The following RSPH6A variants were observed in gnomAD, a reference collection of about 807,000 sequenced individuals.
The protein encoded by RSPH6A is radial spoke head protein 6 homolog A.
Under a neutral mutation model 66.1 loss-of-function variants are expected in RSPH6A, and 49 were observed. The ratio of observed to expected loss-of-function variants is 0.74; its 90% confidence interval spans 0.59 to 0.94. The LOEUF (loss-of-function observed/expected upper bound fraction) is 0.94. Ranked by LOEUF, RSPH6A falls within the 40% of genes least tolerant of loss-of-function variation. The pLI is 0.00. For synonymous variants in RSPH6A, 419 were observed against 402.4 expected, an observed-to-expected ratio of 1.04 and a Z score of -0.49; for missense variants, 977 against 948.3, an observed-to-expected ratio of 1.03 and a Z score of -0.40.
At chr19:45,811,143 G>T (rs1191957992) in intron 1 of RSPH6A, among the ~76,000 whole-genome samples, 2 of 151,166 alleles carry the variant, frequency 1.3e-5, no homozygotes, top group Non-Finnish European at 3.0e-5. Flanking sequence ...ATAGGCGCCC[G>T]CCACCACGCC....
chr19:45,804,165 G>C lies in RSPH6A; in HGVS notation c.1653+87C>G, dbSNP rs1352168156. On this transcript the variant is annotated intron_variant, in intron 3 of 5. Coordinates refer to ENST00000221538, the MANE Select transcript of RSPH6A (RefSeq NM_030785.4). This position sits in a 1 kb window ranked among gnomAD's most constrained non-coding sequence, Gnocchi z 5.8. Reference sequence around the variant, plus strand: ...GAATGAATATTAGTTGCCCAGCAGAGAGTAAGAGCTTGATGTCAGTATTGC... The same window carrying C: ...GAATGAATATTAGTTGCCCAGCAGACAGTAAGAGCTTGATGTCAGTATTGC... 2.9e-6 allele frequency: 3 copies of C among 1,035,620 alleles called. No homozygotes were observed. Among genetic ancestry groups the C allele is most frequent in the African/African-American group, 1.6e-5 (1 of 62,800 alleles). 64.2% of individuals were successfully genotyped at this position (1,035,620 alleles called of 1,614,324 possible). A position where few individuals can be genotyped will look rare whatever the true frequency, so the allele number is the denominator to read the frequency against.
In RSPH6A at chr19:45,804,963, G is replaced by A. The variant is rs1003090516; in HGVS notation, c.942C>T (p.Ala314=). 3.0e-5 allele frequency: 48 copies of A among 1,613,920 alleles called. No homozygotes were observed. Among genetic ancestry groups the A allele is most frequent in the Non-Finnish European group, 3.4e-5 (40 of 1,180,020 alleles). Residue 314 remains alanine (A), a synonymous_variant, in exon 3 of 6, where the codon GCC becomes GCT. Coordinates refer to ENST00000221538, the MANE Select transcript of RSPH6A (RefSeq NM_030785.4). The surrounding 1 kb of genome is among the most constrained non-coding windows in gnomAD (Gnocchi z 5.8). ...IMETAFYFEQ[A]GVGLSSDESF... ...TCTCGTCCGAGCTCAGGCCGACGCC[G>A]GCCTGCTCGAAGTAGAAGGCAGTCT...
Position 45,795,887 on chromosome 19 carries a change from G to A in RSPH6A, c.2136C>T (p.Gly712=), listed in dbSNP as rs143961616. 74 of 1,604,592 alleles carry A rather than the reference G, an allele frequency of 4.6e-5. No individual in the cohort carries two copies. The highest frequency in any genetic ancestry group is 1.7e-4 in the Middle Eastern group (1 of 5,824). ...EEEEGEEEEE[G]EETDD is the part of the protein sequence containing the mutation. ...GTGGGCCTCAGTCATCTGTCTCCTC[G>A]CCCTCCTCCTCCTCCTCGCCCTCCT... Residue 712 remains glycine (G), a synonymous_variant, in exon 6 of 6, where the codon GGC becomes GGT. Transcript: ENST00000221538.
intron 5 of RSPH6A, among the ~76,000 whole-genome samples, chr19:45,800,243 A>G (rs980071549): frequency 1.3e-5 from 2 of 152,140 alleles, no homozygotes; most frequent in Non-Finnish European, 2.9e-5. Flanking sequence ...ATCATGACTC[A>G]TCACCAAGAC....
At chr19:45,802,310 C>A (rs1246681549) in intron 3 of RSPH6A, 46 bp from the exon 4 acceptor site, 1 of 1,307,838 alleles carries the variant, frequency 7.6e-7, no homozygotes, top group African/African-American at 1.5e-5. Context: ...TGCACGGAAC[C>A]CAGCCTGCCT....
rs372183342 is a variant in RSPH6A at position 45,804,877 on chromosome 19, C to T, written c.1028G>A (p.Arg343His). 6.8e-6 allele frequency: 11 copies of T among 1,614,192 alleles called. No homozygotes were observed. The highest frequency in any genetic ancestry group is 1.1e-5 in the South Asian group (1 of 91,078). Residue 343 changes from arginine (R) to histidine (H), a missense_variant, in exon 3 of 6, where the codon CGC becomes CAC. By Grantham distance (29) the Arg-to-His change is conservative. Coordinates refer to ENST00000221538, the MANE Select transcript of RSPH6A (RefSeq NM_030785.4). This position sits in a 1 kb window ranked among gnomAD's most constrained non-coding sequence, Gnocchi z 5.8. ...LVEQQPIHTC[R>H]FWGKILGIKR... ...GATTCCCAGGATCTTGCCCCAGAAG[C>T]GACAGGTGTGGATGGGCTGCTGCTC...
chr19:45,800,494 A>C lies in RSPH6A; in HGVS notation c.1868T>G (p.Val623Gly), dbSNP rs189983010. ...CSLCPQYSVA[V>G]VRSNLWPGAY... ...CCCGGGCCAGAGGTTGGAGCGCACA[A>C]CGGCCACTGAGTACTGCGGGCAGAG... Residue 623 changes from valine to glycine, a missense_variant, in exon 5 of 6, where the codon GTT (valine) becomes GGT (glycine). Transcript: ENST00000221538. 6.2e-7 allele frequency: 1 copy of C among 1,613,504 alleles called. No individual in the cohort carries two copies.
Position 45,804,668 on chromosome 19 carries a change from CG to C in RSPH6A, c.1236del (p.Val413Ter). The C allele has an allele frequency of 6.2e-7, 1 of 1,614,110 alleles. No homozygotes were observed. Among genetic ancestry groups the C allele is most frequent in the Non-Finnish European group, 8.5e-7 (1 of 1,180,032 alleles). On this transcript the variant is annotated frameshift_variant, in exon 3 of 6. Transcript: ENST00000221538. LOFTEE classifies it high-confidence loss of function. This position sits in a 1 kb window ranked among gnomAD's most constrained non-coding sequence, Gnocchi z 5.8. ...IVPKSVWKPPPVIPKEESRSG... is the reference protein window; with the variant it reads ...IVPKSVWKPPXVIPKEESRSG... ...GAGCGGCTCTCCTCCTTGGGGATCA[CG>C]GGCGGCGGCTTCCATACGGACTTAG...
chr19:45,805,846 T>G lies in RSPH6A; in HGVS notation c.889-830A>C, dbSNP rs374479761. On this transcript the variant is annotated intron_variant, in intron 2 of 5. Coordinates refer to ENST00000221538, the MANE Select transcript of RSPH6A (RefSeq NM_030785.4). ...GGGAAAACCACACTAGGAGAAAATT[T>G]TTCTTGCCTTTTGTCATTCCCTATT... 5.0e-3 allele frequency among the ~76,000 whole-genome samples: 766 copies of G among 152,274 alleles called. 5 individuals are homozygous for G. The highest frequency in any genetic ancestry group is 0.017 in the African/African-American group (723 of 41,558).
In RSPH6A at chr19:45,814,687, C is replaced by T. The variant is rs540390229; in HGVS notation, c.490G>A (p.Gly164Arg). Residue 164 changes from glycine (G) to arginine (R), a missense_variant, in exon 1 of 6, where the codon GGG (glycine) becomes AGG (arginine). Transcript: ENST00000221538. ...TDQFSEGAQHGPYIRDDPALQ... is the reference protein window; with the variant it reads ...TDQFSEGAQHRPYIRDDPALQ... ...GCAGGGTCATCCCTTATGTAAGGCC[C>T]GTGCTGGGCACCTTCAGAGAACTGG... The T allele has an allele frequency of 6.2e-6, 10 of 1,612,196 alleles. No homozygotes were observed. The East Asian group carries it at 1.1e-4, about 18-fold the overall frequency.
Position 45,812,705 on chromosome 19 carries a change from G to C in RSPH6A, c.650+1822C>G, listed in dbSNP as rs541289180. On this transcript the variant is annotated intron_variant, in intron 1 of 5. Coordinates refer to ENST00000221538, the MANE Select transcript of RSPH6A (RefSeq NM_030785.4). ...AACCACGTAAGGCCTTTTGTTTGTT[G>C]GTTTGTTTGAGACAGAGTCTCGCTC... 5.3e-5 allele frequency among the ~76,000 whole-genome samples: 8 copies of C among 151,990 alleles called. No individual in the cohort carries two copies. The East Asian group carries it at 1.6e-3, about 29-fold the overall frequency.
chr19:45,796,138 C>T lies in RSPH6A; in HGVS notation c.1917-32G>A, dbSNP rs113015725. 222 of 1,473,814 alleles carry T rather than the reference C, an allele frequency of 1.5e-4. No homozygotes were observed. The African/African-American group carries it at 2.5e-3, about 16-fold the overall frequency. 91.3% of individuals were successfully genotyped at this position (1,473,814 alleles called of 1,614,324 possible). ...AAGCAGTGAGACACTGTGAAATTCT[C>T]CCTCAAAGGCCCCAGACTTGACTTT... is the stretch of plus-strand genomic sequence containing the variant. On this transcript the variant is annotated intron_variant, in intron 5 of 5. Transcript: ENST00000221538.
In RSPH6A at chr19:45,815,133, G is replaced by A. The variant is rs745718111; in HGVS notation, c.44C>T (p.Pro15Leu). 6.2e-7 allele frequency: 1 copy of A among 1,611,242 alleles called. No homozygotes were observed. The highest frequency in any genetic ancestry group is 8.5e-7 in the Non-Finnish European group (1 of 1,179,850). ...GGCCTGAGAAGTCCTCCGGCCCGGA[G>A]GCTGCTGGGCAGGGCGCTCAGGGTA... The part of the protein sequence containing the change: ...PPYPERPAQQ[P>L]PGRRTSQASQ... Residue 15 changes from proline to leucine, a missense_variant, in exon 1 of 6, where the codon CCT (proline) becomes CTT (leucine). Transcript: ENST00000221538.
rs1451289935 is a variant in RSPH6A at position 45,804,467 on chromosome 19, A to T, written c.1438T>A (p.Tyr480Asn). ...YPPFPGNEAN[Y>N]LRAQIARISA... is the part of the protein sequence containing the mutation. ...ATGCGGGCTATCTGGGCCCGCAGGTAGTTGGCCTCGTTGCCCGGGAAGGGT... is the reference window on the plus strand; with the variant it reads ...ATGCGGGCTATCTGGGCCCGCAGGTTGTTGGCCTCGTTGCCCGGGAAGGGT... Residue 480 changes from tyrosine to asparagine, a missense_variant, in exon 3 of 6, where the codon TAC becomes AAC. Physicochemically the swap from Tyr to Asn is moderately radical, Grantham distance 143. Transcript: ENST00000221538. The surrounding 1 kb of genome is among the most constrained non-coding windows in gnomAD (Gnocchi z 5.8). 2 of 1,613,942 alleles carry T rather than the reference A, an allele frequency of 1.2e-6. No individual in the cohort carries two copies. Among genetic ancestry groups the T allele is most frequent in the East Asian group, 2.2e-5 (1 of 44,854 alleles).
At chr19:45,806,687 A>G (rs1299359066) in intron 2 of RSPH6A, among the ~76,000 whole-genome samples, 1 of 145,656 alleles carries the variant, frequency 6.9e-6, no homozygotes, top group East Asian at 2.0e-4. Flanking sequence ...AAAAAAAAAA[A>G]AAAAAAAAAA....
In RSPH6A at chr19:45,804,747, C is replaced by G. The variant is rs150763678; in HGVS notation, c.1158G>C (p.Ala386=). Residue 386 remains alanine (A), a synonymous_variant, in exon 3 of 6, where the codon GCG becomes GCC. Transcript: ENST00000221538. The surrounding 1 kb of genome is among the most constrained non-coding windows in gnomAD (Gnocchi z 5.8). ...CCTCCTCGCCCTCCTCCTCGCCGTGCGCCTCCATGACCTCGCCACCTTCCG... is the reference window on the plus strand; with the variant it reads ...CCTCCTCGCCCTCCTCCTCGCCGTGGGCCTCCATGACCTCGCCACCTTCCG... The part of the protein sequence containing the change: ...EMTEGGEVME[A]HGEEEGEEDE... 20 of 1,612,424 alleles carry G rather than the reference C, an allele frequency of 1.2e-5. No homozygotes were observed. Among genetic ancestry groups the G allele is most frequent in the East Asian group, 2.2e-5 (1 of 44,820 alleles).
At chr19:45,796,212 G>A in intron 5 of RSPH6A, 106 bp from the exon 6 acceptor site, 1 of 859,816 alleles carries the variant, frequency 1.2e-6, no homozygotes, top group East Asian at 2.7e-5. Flanking sequence ...CTAGTGCAGT[G>A]GTGTGATCTC....
intron 2 of RSPH6A, among the ~76,000 whole-genome samples, chr19:45,808,967 G>A (rs991362174): frequency 4.0e-4 from 58 of 146,256 alleles, no homozygotes; most frequent in African/African-American, 1.8e-4. Context: ...AAGCCCGGCC[G>A]AGAATAGTCA....
In RSPH6A at chr19:45,804,904, A is replaced by G; in HGVS notation, c.1001T>C (p.Val334Ala). The G allele has an allele frequency of 1.2e-6, 2 of 1,614,128 alleles. No homozygotes were observed. Among genetic ancestry groups the G allele is most frequent in the Non-Finnish European group, 1.7e-6 (2 of 1,180,022 alleles). ...FRIFLAMKQL[V>A]EQQPIHTCRF... ...ACAGGTGTGGATGGGCTGCTGCTCC[A>G]CCAGCTGTTTCATGGCCAGGAAAAT... is the stretch of plus-strand genomic sequence containing the variant. Residue 334 changes from valine (V) to alanine (A), a missense_variant, in exon 3 of 6, where the codon GTG (valine) becomes GCG (alanine). Val to Ala is a moderately conservative substitution (Grantham distance 64). Coordinates refer to ENST00000221538, the MANE Select transcript of RSPH6A (RefSeq NM_030785.4). This position sits in a 1 kb window ranked among gnomAD's most constrained non-coding sequence, Gnocchi z 5.8.
Sources: gnomAD v4.1 joint callset for allele counts (sites outside exome capture counted in the v4.1 genomes callset) on GRCh38, gnomAD v4.1.1 for gene constraint, Gnocchi (gnomAD v3.1) non-coding constraint, MANE v1.5 for transcripts, NCBI Gene and HGNC (gene_info 2026-07-23, HGNC 2026-07-21) for gene names.